The following FER variants were observed in gnomAD, a reference collection of about 807,000 sequenced individuals.
The protein encoded by FER is FER tyrosine kinase.
Under a neutral mutation model 111.0 loss-of-function variants are expected in FER, and 63 were observed. The observed-to-expected ratio is 0.57, with a 90% CI of 0.46 to 0.70. The LOEUF (loss-of-function observed/expected upper bound fraction) is 0.70, where lower values mean the gene tolerates loss of function less well. Ranked by LOEUF, FER falls within the 30% of genes least tolerant of loss-of-function variation. FER has a pLI of 0.00. For missense variants in FER, 914 were observed against 954.0 expected, an observed-to-expected ratio of 0.96 and a Z score of 0.55; for synonymous variants, 327 against 313.9, an observed-to-expected ratio of 1.04 and a Z score of -0.44.
intron 10 of FER, among the ~76,000 whole-genome samples, chr5:108,923,365 T>C (rs1753289274): frequency 6.6e-6 from 1 of 152,032 alleles, no homozygotes; most frequent in Non-Finnish European, 1.5e-5. Context: ...TTTGATTGCA[T>C]CTAATTATAA....
At chr5:108,789,494 A>G (rs1424954750) in intron 2 of FER, among the ~76,000 whole-genome samples, 1 of 152,110 alleles carries the variant, frequency 6.6e-6, no homozygotes, top group East Asian at 1.9e-4. Flanking sequence ...GCCATTTCTA[A>G]GAAATTTTCT....
At chr5:108,813,702 A>G (rs1757991419) in intron 3 of FER, among the ~76,000 whole-genome samples, 1 of 151,914 alleles carries the variant, frequency 6.6e-6, no homozygotes, top group Non-Finnish European at 1.5e-5. Flanking sequence ...TTTACTTCCA[A>G]CTTCCTTTCG....
intron 5 of FER, among the ~76,000 whole-genome samples, chr5:108,855,035 C>G (rs1217581668): frequency 6.7e-6 from 1 of 150,078 alleles, no homozygotes; most frequent in Non-Finnish European, 1.5e-5. Flanking sequence ...AGACTGATTC[C>G]AAGATTTTTG....
chr5:108,914,122 T>A (rs1751927663), intron 10 of FER, among the ~76,000 whole-genome samples: 1 of 152,186 alleles, frequency 6.6e-6, no homozygotes. Flanking sequence ...TGCACACTTT[T>A]GATTTGTAAA....
chr5:108,791,112 A>G (rs187448377), intron 2 of FER, among the ~76,000 whole-genome samples: 2 of 152,350 alleles, frequency 1.3e-5, no homozygotes, highest in African/African-American at 4.8e-5. Flanking sequence ...AAACATTCAT[A>G]TGCAAGTTTT....
intron 1 of FER, among the ~76,000 whole-genome samples, chr5:108,763,720 C>A (rs1444603489): frequency 6.6e-6 from 1 of 152,140 alleles, no homozygotes; most frequent in Non-Finnish European, 1.5e-5. Context: ...ATTTGTAGTA[C>A]ATTTTGGTCA....
At chr5:109,174,099 T>G (rs1757435744) in intron 17 of FER, among the ~76,000 whole-genome samples, 1 of 152,102 alleles carries the variant, frequency 6.6e-6, no homozygotes, top group Admixed American at 6.6e-5. Context: ...TTGGGGCCAC[T>G]TTTAGAAATA....
intron 17 of FER, among the ~76,000 whole-genome samples, chr5:109,167,549 A>G (rs1190607679): frequency 6.6e-6 from 1 of 152,150 alleles, no homozygotes; most frequent in Non-Finnish European, 1.5e-5. Flanking sequence ...TTTGGCGTGT[A>G]TTTAAGGTCA....
chr5:109,032,676 G>A (rs1222597642), intron 13 of FER, among the ~76,000 whole-genome samples: 6 of 152,086 alleles, frequency 3.9e-5, no homozygotes, highest in African/African-American at 1.4e-4. Context: ...ATAAAAATAA[G>A]TATTATTTGC....
At chr5:108,833,976 TG>T (rs1406267538) in intron 4 of FER, among the ~76,000 whole-genome samples, 1 of 146,714 alleles carries the variant, frequency 6.8e-6, no homozygotes, top group African/African-American at 2.6e-5. Flanking sequence ...GTTGTTTAAA[TG>T]TTTTTTTATA....
At chr5:109,185,402 T>TAAAC (rs1290664183) in intron 18 of FER, among the ~76,000 whole-genome samples, 11 of 152,248 alleles carry the variant, frequency 7.2e-5, no homozygotes, top group African/African-American at 2.4e-4. Flanking sequence ...AGAACATCTG[T>TAAAC]AAACAGCAAT....
intron 13 of FER, among the ~76,000 whole-genome samples, chr5:109,025,101 G>A (rs1394854693): frequency 6.6e-6 from 1 of 151,996 alleles, no homozygotes; most frequent in South Asian, 2.1e-4. Flanking sequence ...TTGGCGATGT[G>A]GGCTCTGTTT....
intron 1 of FER, among the ~76,000 whole-genome samples, chr5:108,750,760 T>TAAA (rs1215571464): frequency 3.3e-5 from 5 of 152,324 alleles, no homozygotes; most frequent in African/African-American, 1.2e-4. Context: ...TCTCAACTAT[T>TAAA]TTACTATGAA....
chr5:108,963,523 C>T (rs548949163), intron 13 of FER, among the ~76,000 whole-genome samples: 1 of 152,116 alleles, frequency 6.6e-6, no homozygotes, highest in Non-Finnish European at 1.5e-5. Context: ...GATTGTGCCA[C>T]TGCACTCCAG....
intron 16 of FER, chr5:109,051,410 G>C: frequency 6.2e-7 from 1 of 1,612,398 alleles, no homozygotes; most frequent in South Asian, 1.1e-5. Context: ...TGTAGTTCAT[G>C]TCCAGCAGCT....
At chr5:108,888,300 A>T (rs578029697) in intron 9 of FER, among the ~76,000 whole-genome samples, 1 of 152,076 alleles carries the variant, frequency 6.6e-6, no homozygotes, top group East Asian at 1.9e-4. Flanking sequence ...AGATGCTGTG[A>T]TTGCAGTGAG....
intron 16 of FER, among the ~76,000 whole-genome samples, chr5:109,080,513 C>T (rs1038487635): frequency 2.6e-5 from 4 of 151,986 alleles, no homozygotes; most frequent in Admixed American, 6.6e-5. Flanking sequence ...CGGTGAAAGT[C>T]ATCTTTTGTT....
chr5:108,844,153 A>AAC (rs1318504096), intron 5 of FER, among the ~76,000 whole-genome samples: 10 of 142,184 alleles, frequency 7.0e-5, no homozygotes, highest in African/African-American at 2.8e-4. Flanking sequence ...TGTGTGTGTG[A>AAC]ACATATATAT....
intron 2 of FER, among the ~76,000 whole-genome samples, chr5:108,779,899 T>G (rs1753867970): frequency 6.6e-6 from 1 of 152,214 alleles, no homozygotes; most frequent in Non-Finnish European, 1.5e-5. Flanking sequence ...AAAATACTAA[T>G]TACCACCTCC....
Sources: allele counts gnomAD v4.1 joint callset (sites outside exome capture counted in the v4.1 genomes callset), GRCh38; gene constraint gnomAD v4.1.1; transcripts MANE v1.5; gene names NCBI Gene and HGNC (gene_info 2026-07-23, HGNC 2026-07-21).